Variants in SMIM14 observed in about 807,000 individuals in gnomAD.
The protein encoded by SMIM14 is chromosome 4 open reading frame 34.
In SMIM14, 5 loss-of-function variants were observed where a neutral mutation model predicts 12.6. The observed-to-expected ratio is 0.40, with a 90% CI of 0.21 to 0.83. The LOEUF is 0.83. SMIM14 is among the 40% of genes least tolerant of loss of function. The probability of loss-of-function intolerance (pLI) is 0.37; values close to 1 mark genes in which losing one functional copy is unlikely to be tolerated. For synonymous variants in SMIM14, 30 were observed against 40.1 expected, an observed-to-expected ratio of 0.75 and a Z score of 0.95; for missense variants, 86 against 119.1, an observed-to-expected ratio of 0.72 and a Z score of 1.29.
At chr4:39,600,806 C>T (rs545756812) in intron 2 of SMIM14, among the ~76,000 whole-genome samples, 38 of 151,174 alleles carry the variant, frequency 2.5e-4, no homozygotes, top group African/African-American at 9.0e-4. Context: ...GGGAGGCGGA[C>T]GTTGCAGTGA....
chr4:39,587,495 CAAAAAAAAAAAAAA>C (rs71192879), intron 2 of SMIM14, among the ~76,000 whole-genome samples: 1 of 77,382 alleles, frequency 1.3e-5, no homozygotes, highest in Non-Finnish European at 2.4e-5. Flanking sequence ...GGCTCCATCT[CAAAAAAAAAAAAAA>C]AAAAAAAAAA....
chr4:39,583,398 T>G (rs775755475), intron 2 of SMIM14, among the ~76,000 whole-genome samples: 3 of 152,072 alleles, frequency 2.0e-5, no homozygotes, highest in Admixed American at 6.6e-5. Flanking sequence ...TTGCCTGGGC[T>G]ATTATTCTAA....
chr4:39,606,639 C>CA (rs71192881), intron 1 of SMIM14, among the ~76,000 whole-genome samples: 5 of 126,058 alleles, frequency 4.0e-5, no homozygotes, highest in African/African-American at 1.5e-4. Flanking sequence ...GACTCCGTCT[C>CA]AAAAAAAAAA....
intron 3 of SMIM14, among the ~76,000 whole-genome samples, chr4:39,565,592 A>G (rs1712530474): frequency 6.6e-6 from 1 of 152,166 alleles, no homozygotes; most frequent in Non-Finnish European, 1.5e-5. Context: ...CTAAAATGGG[A>G]TTACAAGTGT....
intron 1 of SMIM14, chr4:39,621,068 G>A (rs1437529067): frequency 6.6e-6 from 1 of 151,978 alleles, no homozygotes; most frequent in Admixed American, 6.6e-5. Context: ...TTGCTGGAAA[G>A]CTCCCCAGAA....
At chr4:39,593,866 A>G (rs1384773883) in intron 2 of SMIM14, 1 of 152,194 alleles carries the variant, frequency 6.6e-6, no homozygotes, top group Non-Finnish European at 1.5e-5. Flanking sequence ...GACCTCGTCA[A>G]GGAGAACTAC....
At chr4:39,555,479 C>T (rs941081517) in intron 4 of SMIM14, among the ~76,000 whole-genome samples, 6 of 152,170 alleles carry the variant, frequency 3.9e-5, no homozygotes, top group Admixed American at 1.3e-4. Flanking sequence ...GTGATCCGCC[C>T]CCCTTGGCCT....
At chr4:39,615,363 T>C (rs1480350837) in intron 1 of SMIM14, among the ~76,000 whole-genome samples, 1 of 152,184 alleles carries the variant, frequency 6.6e-6, no homozygotes, top group East Asian at 1.9e-4. Flanking sequence ...AAATGTCAAG[T>C]CCAAAAGAAC....
chr4:39,615,328 C>T (rs1715180748), intron 1 of SMIM14, among the ~76,000 whole-genome samples: 2 of 151,928 alleles, frequency 1.3e-5, no homozygotes, highest in Admixed American at 1.3e-4. Flanking sequence ...CTAAATTTAT[C>T]CCAAAATAAA....
chr4:39,617,831 T>C (rs1192573657), intron 1 of SMIM14, among the ~76,000 whole-genome samples: 1 of 152,214 alleles, frequency 6.6e-6, no homozygotes, highest in Non-Finnish European at 1.5e-5. Context: ...TACCATAAAC[T>C]ATTAATGTTG....
At chr4:39,573,641 T>C (rs1021696067) in intron 2 of SMIM14, among the ~76,000 whole-genome samples, 1 of 152,118 alleles carries the variant, frequency 6.6e-6, no homozygotes, top group African/African-American at 2.4e-5. Flanking sequence ...TGTAGAGAAC[T>C]AGAAGAGTAA....
chr4:39,605,424 C>G (rs947401519), intron 1 of SMIM14, among the ~76,000 whole-genome samples: 8 of 151,936 alleles, frequency 5.3e-5, no homozygotes, highest in African/African-American at 1.9e-4. Context: ...CTAAACTGGC[C>G]CCACCTGTGA....
intron 2 of SMIM14, among the ~76,000 whole-genome samples, chr4:39,579,427 A>AAT (rs1713379403): frequency 6.7e-6 from 1 of 149,568 alleles, no homozygotes; most frequent in Admixed American, 6.7e-5. Flanking sequence ...AAAAAAAAAG[A>AAT]AAAAAAAGAA....
chr4:39,601,220 C>A (rs563740637), intron 2 of SMIM14, among the ~76,000 whole-genome samples: 3 of 152,210 alleles, frequency 2.0e-5, no homozygotes, highest in African/African-American at 7.2e-5. Context: ...TAACTAATGA[C>A]CTAACCTGTA....
intron 4 of SMIM14, among the ~76,000 whole-genome samples, chr4:39,554,874 C>T (rs1468065127): frequency 7.5e-5 from 11 of 147,148 alleles, no homozygotes; most frequent in African/African-American, 2.2e-4. Context: ...TCACTCTCAC[C>T]GCCTAGCCTG....
At chr4:39,636,490 T>A (rs1716095627) in intron 1 of SMIM14, among the ~76,000 whole-genome samples, 1 of 152,166 alleles carries the variant, frequency 6.6e-6, no homozygotes, top group Non-Finnish European at 1.5e-5. Context: ...CTTTTAATAA[T>A]TATGGTTTGC....
At chr4:39,560,341 G>A (rs1409395847) in intron 3 of SMIM14, among the ~76,000 whole-genome samples, 1 of 147,144 alleles carries the variant, frequency 6.8e-6, no homozygotes, top group Admixed American at 6.9e-5. Context: ...TCTGCCTCCT[G>A]GGTTTTATTT....
intron 2 of SMIM14, among the ~76,000 whole-genome samples, chr4:39,600,747 T>C (rs1169906295): frequency 6.6e-6 from 1 of 151,810 alleles, no homozygotes; most frequent in Non-Finnish European, 1.5e-5. Context: ...GCTGTGTGCC[T>C]GTAGTCCCAG....
intron 3 of SMIM14, among the ~76,000 whole-genome samples, chr4:39,569,001 T>TA (rs1428798571): frequency 6.6e-6 from 1 of 152,180 alleles, no homozygotes; most frequent in African/African-American, 2.4e-5. Context: ...CGGGGCTGGT[T>TA]AAAGAGTCAC....
Sources: gnomAD v4.1 joint callset for allele counts (sites outside exome capture counted in the v4.1 genomes callset) on GRCh38, gnomAD v4.1.1 for gene constraint, MANE v1.5 for transcripts, NCBI Gene and HGNC (gene_info 2026-07-23, HGNC 2026-07-21) for gene names.